BBC3: variants seen among roughly 807,000 people sequenced by gnomAD.
BBC3 encodes the protein bcl-2-binding component 3.
A neutral mutation model predicts 18.2 loss-of-function variants in BBC3; 5 were observed. The ratio of observed to expected loss-of-function variants is 0.27; its 90% CI spans 0.14 to 0.58. The LOEUF (loss-of-function observed/expected upper bound fraction) is 0.58, where lower values mean the gene tolerates loss of function less well. BBC3 is among the 20% of genes least tolerant of loss of function. The pLI is 0.91. For missense variants in BBC3, 224 were observed against 268.9 expected (o/e 0.83, Z 1.17); for synonymous variants, 119 against 128.0 (o/e 0.93, Z 0.47).
upstream of BBC3, chr19:47,232,540 C>A: frequency 6.5e-7 from 1 of 1,548,894 alleles, no homozygotes; most frequent in Non-Finnish European, 8.7e-7. Flanking sequence ...GGACCCACGT[C>A]GTGGAAGCAG....
At chr19:47,226,499 GCCGCCTGCCGCCCC>G in intron 3 of BBC3, 51 bp downstream of exon 3, 1 of 1,457,376 alleles carries the variant, frequency 6.9e-7, no homozygotes, top group Non-Finnish European at 9.1e-7. Context: ...TCTGGCGGGG[GCCGCCTGCCGCCCC>G]CTCCTCCGGC....
rs567919418 is a variant in BBC3 at position 47,225,920 on chromosome 19, G to A, written c.465+644C>T. On this transcript the variant is annotated intron_variant, in intron 3 of 3. Coordinates refer to ENST00000439096, the MANE Select transcript of BBC3 (RefSeq NM_014417.5). ...GAGAGTAAGGAGCTTCACCACATGC[G>A]TTTCTGCGGTTTTGTTTGGTTTCTT... 1.2e-4 allele frequency among the ~76,000 whole-genome samples: 19 copies of A among 152,322 alleles called. No individual in the cohort carries two copies. The East Asian group carries it at 2.9e-3, about 23-fold the overall frequency.
upstream of BBC3, among the ~76,000 whole-genome samples, chr19:47,231,396 G>C (rs1013806624): frequency 6.6e-5 from 10 of 152,206 alleles, no homozygotes; most frequent in Non-Finnish European, 1.5e-5. This position sits in a 1 kb window ranked among gnomAD's most constrained non-coding sequence, Gnocchi z 4.0. Context: ...AGCGGGGGAC[G>C]GGGCAGGGCC....
At position 47,226,550 on chromosome 19, in the gene BBC3, C is replaced by T. The variant is rs764711483; in HGVS notation, c.465+14G>A. 10 of 1,532,380 alleles carry T rather than the reference C, an allele frequency of 6.5e-6. No individual in the cohort carries two copies. Among genetic ancestry groups the T allele is most frequent in the Middle Eastern group, 1.7e-4 (1 of 5,838 alleles). The allele number at this position is 1,532,380 out of a possible 1,614,324, so 94.9% of individuals were successfully genotyped here. A position where few individuals can be genotyped will look rare whatever the true frequency, so the allele number is the denominator to read the frequency against. On this transcript the variant is annotated intron_variant, in intron 3 of 3. Transcript: ENST00000439096. ...GAAGTCCCACCTGCCGTCTACCCCA[C>T]CCCCAGCACTCACCCGCCGCTCGTA... is the stretch of plus-strand genomic sequence containing the variant.
chr19:47,232,633 T>C (rs1203872541), upstream of BBC3: 2 of 1,517,452 alleles, frequency 1.3e-6, no homozygotes, highest in African/African-American at 1.4e-5. Context: ...TCCGTTTCTT[T>C]TTCAGTTTCT....
In BBC3 at chr19:47,228,541, G is replaced by T; in HGVS notation, c.-15-95C>A. 1 of 1,130,792 alleles carries T rather than the reference G, an allele frequency of 8.8e-7. No homozygotes were observed. Among genetic ancestry groups the T allele is most frequent in the Non-Finnish European group, 1.1e-6 (1 of 898,404 alleles). The allele number at this position is 1,130,792 out of a possible 1,614,324, so 70.0% of individuals were successfully genotyped here. On this transcript the variant is annotated intron_variant, in intron 1 of 3. Coordinates refer to ENST00000439096, the MANE Select transcript of BBC3 (RefSeq NM_014417.5). The surrounding 1 kb of genome is among the most constrained non-coding windows in gnomAD (Gnocchi z 5.5). ...GGGGTTAGGACCCAGATGGAGAAGA[G>T]TGGAGGTGTGTGTGCATGCGGAGGG...
chr19:47,221,977 G>T (rs2123354602), intron 3 of BBC3, 59 bp from the exon 4 acceptor site: 1 of 1,454,590 alleles, frequency 6.9e-7, no homozygotes, highest in Non-Finnish European at 9.3e-7. Context: ...GATGGGAGTG[G>T]GGATGGTCAG....
rs1018003240 is a variant in BBC3 at position 47,221,433 on chromosome 19, C to CT, written c.*368_*369insA. On this transcript the variant is annotated 3_prime_UTR_variant, in exon 4 of 4. Coordinates refer to ENST00000439096, the MANE Select transcript of BBC3 (RefSeq NM_014417.5). ...AGGAGCACCGAGAGGAGAGCCCCCCCCTCCCAGTGTCACCCCTGCAGCTGG... is the reference window on the plus strand; with the variant it reads ...AGGAGCACCGAGAGGAGAGCCCCCCCTCTCCCAGTGTCACCCCTGCAGCTGG... The CT allele has an allele frequency of 5.1e-5, 13 of 254,384 alleles. 2 individuals carry two copies. The highest frequency in any genetic ancestry group is 2.9e-4 in the South Asian group (3 of 10,454). The allele number at this position is 254,384 out of a possible 1,614,324, so 15.8% of individuals were successfully genotyped here.
chr19:47,232,388 A>C, upstream of BBC3: 1 of 745,412 alleles, frequency 1.3e-6, no homozygotes, highest in South Asian at 2.0e-5. Context: ...ACATTCAGAG[A>C]CACAAACCAA....
In BBC3 at chr19:47,221,183, G is replaced by C. The variant is rs1256121061; in HGVS notation, c.*619C>G. On this transcript the variant is annotated 3_prime_UTR_variant, in exon 4 of 4. Coordinates refer to ENST00000439096, the MANE Select transcript of BBC3 (RefSeq NM_014417.5). ...GGGCAGAGCACAGGATTCACAGTCT[G>C]GGCCCCTCCTGGCCACCCCCTGATG... 3 of 173,716 alleles carry C rather than the reference G, an allele frequency of 1.7e-5. No homozygotes were observed. Among genetic ancestry groups the C allele is most frequent in the African/African-American group, 7.2e-5 (3 of 41,556 alleles). The allele number at this position is 173,716 out of a possible 1,614,324, so 10.8% of individuals were successfully genotyped here.
rs551177106 is a variant in BBC3, at chr19:47,230,026, A to G, written c.-16+903T>C. 3.3e-5 allele frequency among the ~76,000 whole-genome samples: 5 copies of G among 150,860 alleles called. No individual in the cohort carries two copies. The highest frequency in any genetic ancestry group is 1.2e-4 in the African/African-American group (5 of 41,018). On this transcript the variant is annotated intron_variant, in intron 1 of 3. Coordinates refer to ENST00000439096, the MANE Select transcript of BBC3 (RefSeq NM_014417.5). The surrounding 1 kb of genome is among the most constrained non-coding windows in gnomAD (Gnocchi z 6.7). The stretch of plus-strand genomic sequence containing the variant: ...GGCAAGACACACACATAAACACACA[A>G]ACAGCTCACTCCAGCAACACACACA...
chr19:47,224,102 C>G (rs2058782781), intron 3 of BBC3, among the ~76,000 whole-genome samples: 1 of 152,144 alleles, frequency 6.6e-6, no homozygotes, highest in Non-Finnish European at 1.5e-5. Flanking sequence ...CAAGATCAGC[C>G]TGGTCAACAT....
Position 47,230,672 on chromosome 19 carries a change from C to A in BBC3, c.-16+257G>T. On this transcript the variant is annotated intron_variant, in intron 1 of 3. Transcript: ENST00000439096. The surrounding 1 kb of genome is among the most constrained non-coding windows in gnomAD (Gnocchi z 6.7). ...CGCACTGGCCGCCAGGGGGCGCTGC[C>A]GAGCCCGCACCCCATTGTTTGTAAA... The A allele has an allele frequency of 1.0e-6, 1 of 959,186 alleles. No individual in the cohort carries two copies. Among genetic ancestry groups the A allele is most frequent in the Non-Finnish European group, 1.2e-6 (1 of 806,152 alleles). The allele number at this position is 959,186 out of a possible 1,614,324, so 59.4% of individuals were successfully genotyped here.
intron 3 of BBC3, among the ~76,000 whole-genome samples, chr19:47,224,272 G>A (rs1238207357): frequency 6.6e-6 from 1 of 152,036 alleles, no homozygotes; most frequent in Admixed American, 6.6e-5. Flanking sequence ...TCCAACCTGG[G>A]CAACAAGAGC....
At position 47,228,675 on chromosome 19, in the gene BBC3, G is replaced by A. The variant is rs1347645849; in HGVS notation, c.-15-229C>T. ...GTGATGGGCACACAGGAGGGACAGG[G>A]GGCACAGGACGGCTCTCACAGCAAG... is the stretch of plus-strand genomic sequence containing the variant. On this transcript the variant is annotated intron_variant, in intron 1 of 3. Transcript: ENST00000439096. This position sits in a 1 kb window ranked among gnomAD's most constrained non-coding sequence, Gnocchi z 5.5. 6.6e-6 allele frequency among the ~76,000 whole-genome samples: 1 copy of A among 152,080 alleles called. No homozygotes were observed. Among genetic ancestry groups the A allele is most frequent in the African/African-American group, 2.4e-5 (1 of 41,392 alleles).
rs1354689364 is a variant in BBC3, at chr19:47,221,571, G to A, written c.*231C>T. ...CCTTCCGATGCTGAGTCCATCAGCC[G>A]TCCCTCTCCTGGCTTCTTGGCCAGG... On this transcript the variant is annotated 3_prime_UTR_variant, in exon 4 of 4. Coordinates refer to ENST00000439096, the MANE Select transcript of BBC3 (RefSeq NM_014417.5). The A allele has an allele frequency of 1.1e-5, 9 of 855,680 alleles. No homozygotes were observed. The highest frequency in any genetic ancestry group is 8.6e-5 in the South Asian group (5 of 58,026). 53.0% of individuals were successfully genotyped at this position (855,680 alleles called of 1,614,324 possible). A position where few individuals can be genotyped will look rare whatever the true frequency, so the allele number is the denominator to read the frequency against.
chr19:47,225,155 CCCT>C (rs1234625880), intron 3 of BBC3, among the ~76,000 whole-genome samples: 2 of 152,134 alleles, frequency 1.3e-5, no homozygotes, highest in Admixed American at 1.3e-4. Flanking sequence ...AGGTGATCCG[CCCT>C]CCTCAGCCTC....
At chr19:47,224,096 A>G (rs1299670740) in intron 3 of BBC3, among the ~76,000 whole-genome samples, 1 of 152,128 alleles carries the variant, frequency 6.6e-6, no homozygotes, top group Non-Finnish European at 1.5e-5. Context: ...GGAATTCAAG[A>G]TCAGCCTGGT....
At chr19:47,227,674 T>G (rs2058852399) in intron 2 of BBC3, among the ~76,000 whole-genome samples, 1 of 151,838 alleles carries the variant, frequency 6.6e-6, no homozygotes, top group South Asian at 2.1e-4. Flanking sequence ...CCGAGGGGAC[T>G]TCCCAACACA....
Sources: gnomAD v4.1 joint callset for allele counts (sites outside exome capture counted in the v4.1 genomes callset) on GRCh38, gnomAD v4.1.1 for gene constraint, Gnocchi (gnomAD v3.1) non-coding constraint, MANE v1.5 for transcripts, NCBI Gene and HGNC (gene_info 2026-07-23, HGNC 2026-07-21) for gene names.